Variants in SLC26A7 observed in about 807,000 individuals in gnomAD.
SLC26A7 encodes solute carrier family 26 member 7.
A neutral mutation model predicts 82.5 loss-of-function variants in SLC26A7; 59 were observed. That is an observed-to-expected ratio of 0.72 (90% CI 0.58 to 0.89). The LOEUF (loss-of-function observed/expected upper bound fraction) is 0.89, where lower values mean the gene tolerates loss of function less well. Among genes scored for constraint, SLC26A7 ranks in the 40% least tolerant of loss-of-function variants. The probability of loss-of-function intolerance (pLI) is 0.00; values close to 1 mark genes in which losing one functional copy is unlikely to be tolerated. For synonymous variants in SLC26A7, 271 were observed against 274.3 expected (o/e 0.99, Z 0.12); for missense variants, 820 against 793.0 (o/e 1.03, Z -0.41).
At chr8:91,238,639 T>C (rs570487460) in intron 2 of SLC26A7, among the ~76,000 whole-genome samples, 82 of 151,658 alleles carry the variant, frequency 5.4e-4, no homozygotes, top group South Asian at 1.5e-3. Flanking sequence ...AAAGGGCACT[T>C]TAGACCTTGA....
Position 91,318,389 on chromosome 8 carries a change from T to G in SLC26A7, c.642+9T>G, listed in dbSNP as rs773817981. ...CACTTGGATTCTTTTATGTGAGTTT[T>G]TCGTATGCTTTCATACATATCTTTT... On this transcript the variant is annotated intron_variant, in intron 5 of 18. Transcript: ENST00000276609. 6.3e-7 allele frequency: 1 copy of G among 1,594,090 alleles called. No individual in the cohort carries two copies. The highest frequency in any genetic ancestry group is 8.6e-7 in the Non-Finnish European group (1 of 1,167,250).
intron 15 of SLC26A7, among the ~76,000 whole-genome samples, chr8:91,375,825 G>A (rs1814500788): frequency 6.6e-6 from 1 of 151,894 alleles, no homozygotes; most frequent in South Asian, 2.1e-4. Flanking sequence ...GCTAAAATGT[G>A]TTTTTCAAAT....
intron 11 of SLC26A7, among the ~76,000 whole-genome samples, chr8:91,359,566 A>G (rs1186531428): frequency 6.6e-6 from 1 of 152,186 alleles, no homozygotes; most frequent in Non-Finnish European, 1.5e-5. Context: ...GGTGTGAGAA[A>G]GGTGACATGG....
intron 5 of SLC26A7, 64 bp downstream of exon 5, chr8:91,318,444 G>A (rs1812703832): frequency 7.1e-7 from 1 of 1,401,164 alleles, no homozygotes; most frequent in Non-Finnish European, 9.6e-7. Context: ...AGTAGAATTT[G>A]ATTAATTATA....
At chr8:91,394,220 C>T in intron 18 of SLC26A7, 181 bp downstream of exon 18, 1 of 1,613,136 alleles carries the variant, frequency 6.2e-7, no homozygotes, top group Non-Finnish European at 8.5e-7. Flanking sequence ...TTTTTTAGGC[C>T]AGTTATAAAC....
At chr8:91,394,625 GC>G (rs1808514859) in intron 18 of SLC26A7, 2 of 1,141,100 alleles carry the variant, frequency 1.8e-6, no homozygotes, top group South Asian at 5.9e-5. Flanking sequence ...AACATTTGGT[GC>G]CTCGCAGAGT....
At position 91,358,415 on chromosome 8, in the gene SLC26A7, A is replaced by T. The variant is rs192919677; in HGVS notation, c.1315-3938A>T. 6.4e-4 allele frequency among the ~76,000 whole-genome samples: 91 copies of T among 142,156 alleles called. No homozygotes were observed. The East Asian group carries it at 0.017, about 27-fold the overall frequency. The allele number at this position is 142,156 out of a possible 152,430, so 93.3% of individuals were successfully genotyped here. A position where few individuals can be genotyped will look rare whatever the true frequency, so the allele number is the denominator to read the frequency against. ...ACAATCTTGGCTCACTGCAAGCTCCACCTCCTTGGGTTCATGCCATTCTCC... is the reference window on the plus strand; with the variant it reads ...ACAATCTTGGCTCACTGCAAGCTCCTCCTCCTTGGGTTCATGCCATTCTCC... On this transcript the variant is annotated intron_variant, in intron 11 of 18. Coordinates refer to ENST00000276609, the MANE Select transcript of SLC26A7 (RefSeq NM_052832.4).
intron 5 of SLC26A7, among the ~76,000 whole-genome samples, chr8:91,328,973 A>G (rs1813005998): frequency 1.3e-5 from 2 of 152,294 alleles, no homozygotes; most frequent in South Asian, 2.1e-4. Context: ...AACTCTCAAT[A>G]TATAATGAAC....
intron 2 of SLC26A7, among the ~76,000 whole-genome samples, chr8:91,242,556 A>G (rs765772474): frequency 1.3e-5 from 2 of 152,140 alleles, no homozygotes; most frequent in Non-Finnish European, 2.9e-5. Context: ...TTAGGTTTGG[A>G]TAAGGTCATG....
In SLC26A7 at chr8:91,340,400, A is replaced by C; in HGVS notation, c.879-4A>C. On this transcript the variant is annotated splice_polypyrimidine_tract_variant and splice_region_variant and intron_variant, in intron 7 of 18. Transcript: ENST00000276609. ...TGACTTCAATATGGTCCTTCTTTCC[A>C]CAGAATTCCCTCACCTAGAGCTCCC... is the stretch of plus-strand genomic sequence containing the variant. 1.2e-6 allele frequency: 2 copies of C among 1,613,294 alleles called. No individual in the cohort carries two copies. Among genetic ancestry groups the C allele is most frequent in the Non-Finnish European group, 1.7e-6 (2 of 1,179,508 alleles).
chr8:91,282,762 C>A (rs1326378540), intron 2 of SLC26A7, among the ~76,000 whole-genome samples: 1 of 152,196 alleles, frequency 6.6e-6, no homozygotes, highest in African/African-American at 2.4e-5. Flanking sequence ...ATTTCATCAC[C>A]TGGCACTTTG....
intron 5 of SLC26A7, among the ~76,000 whole-genome samples, chr8:91,324,600 G>T (rs1812884713): frequency 6.6e-6 from 1 of 152,168 alleles, no homozygotes; most frequent in Non-Finnish European, 1.5e-5. Context: ...CCACCTCACA[G>T]GCATTGAGGA....
chr8:91,379,235 T>C lies in SLC26A7; in HGVS notation c.1675+9402T>C, dbSNP rs574647506. On this transcript the variant is annotated intron_variant, in intron 15 of 18. Transcript: ENST00000276609. The stretch of plus-strand genomic sequence containing the variant: ...TTAGAATACTTGATATCAAAAAGCA[T>C]AATTTCTAAAACTGATTTATAGATT... 3.2e-4 allele frequency among the ~76,000 whole-genome samples: 48 copies of C among 152,230 alleles called. 1 individual carries two copies. In the South Asian group the frequency reaches 1.0e-2, roughly 32 times the overall value.
chr8:91,359,897 C>CGT (rs747427860), intron 11 of SLC26A7, among the ~76,000 whole-genome samples: 25 of 150,784 alleles, frequency 1.7e-4, no homozygotes, highest in African/African-American at 4.9e-4. Context: ...TGTGTGTGTG[C>CGT]GCATGTGTGT....
intron 5 of SLC26A7, 100 bp downstream of exon 5, chr8:91,318,480 C>T: frequency 9.4e-7 from 1 of 1,063,466 alleles, no homozygotes; most frequent in Non-Finnish European, 1.3e-6. Context: ...TGTATTAAAG[C>T]AACTTGGGTT....
rs191128930 is a variant in SLC26A7, at chr8:91,267,411, G to A, written c.193+17567G>A. ...TCTTGGCTTTTCTTTGATGAGAAGAGTTTTTATTATTGCCTTAATTCCATT... is the reference window on the plus strand; with the variant it reads ...TCTTGGCTTTTCTTTGATGAGAAGAATTTTTATTATTGCCTTAATTCCATT... On this transcript the variant is annotated intron_variant, in intron 2 of 18. Transcript: ENST00000276609. Among the ~76,000 whole-genome samples, 9 of 151,856 alleles carry A rather than the reference G, an allele frequency of 5.9e-5. No homozygotes were observed. The East Asian group carries it at 1.7e-3, about 29-fold the overall frequency.
intron 8 of SLC26A7, among the ~76,000 whole-genome samples, chr8:91,342,169 G>C (rs1172441559): frequency 6.6e-6 from 1 of 151,874 alleles, no homozygotes; most frequent in Non-Finnish European, 1.5e-5. Context: ...GGCTTCAAGA[G>C]ATCCCCCGCC....
At chr8:91,259,820 T>C (rs553773341) in intron 2 of SLC26A7, among the ~76,000 whole-genome samples, 3 of 152,230 alleles carry the variant, frequency 2.0e-5, no homozygotes, top group African/African-American at 7.2e-5. Flanking sequence ...CTTGTGGCAC[T>C]GAAAAGAATA....
intron 2 of SLC26A7, among the ~76,000 whole-genome samples, chr8:91,283,039 T>A (rs529806493): frequency 6.6e-6 from 1 of 152,288 alleles, no homozygotes; most frequent in East Asian, 1.9e-4. Context: ...GCAAAAAATT[T>A]AAAAAAATCA....
Sources: allele counts gnomAD v4.1 joint callset (sites outside exome capture counted in the v4.1 genomes callset), GRCh38; gene constraint gnomAD v4.1.1; transcripts MANE v1.5; gene names NCBI Gene and HGNC (gene_info 2026-07-23, HGNC 2026-07-21).